The following CAPZB variants were observed in gnomAD, a reference collection of about 807,000 sequenced individuals.
CAPZB encodes capping actin protein of muscle Z-line subunit beta, also known as F-actin-capping protein subunit beta.
CAPZB carries 2 observed loss-of-function variants against 38.1 expected under a neutral mutation model. The ratio of observed to expected loss-of-function variants is 0.05; its 90% CI spans 0.02 to 0.17. CAPZB has a LOEUF of 0.17. Among genes scored for constraint, CAPZB ranks in the 10% least tolerant of loss-of-function variants. The pLI is 1.00. For missense variants in CAPZB, 161 were observed against 334.2 expected (o/e 0.48, Z 4.04); for synonymous variants, 107 against 127.4 (o/e 0.84, Z 1.08).
intron 1 of CAPZB, among the ~76,000 whole-genome samples, chr1:19,443,762 C>T (rs10799812): frequency 0.23 from 35,503 of 152,134 alleles, 4,499 homozygotes; most frequent in Non-Finnish European, 0.28. Context: ...GGCCGCCTGG[C>T]AGATGCTGTG....
At chr1:19,449,326 T>G (rs776957515) in intron 1 of CAPZB, 1 of 1,029,772 alleles carries the variant, frequency 9.7e-7, no homozygotes, top group South Asian at 3.9e-5. Context: ...CGGTCAGGCA[T>G]GGAGCTGAGG....
At chr1:19,345,826 G>A (rs547015681) in intron 6 of CAPZB, among the ~76,000 whole-genome samples, 1 of 152,392 alleles carries the variant, frequency 6.6e-6, no homozygotes, top group South Asian at 2.1e-4. Flanking sequence ...GGCAATGGCA[G>A]AGCCTGGGTC....
chr1:19,416,052 C>G (rs183312691), intron 2 of CAPZB, among the ~76,000 whole-genome samples: 1 of 152,190 alleles, frequency 6.6e-6, no homozygotes, highest in Admixed American at 6.5e-5. Flanking sequence ...TCCACACAGC[C>G]GGTGAAGGGA....
intron 2 of CAPZB, among the ~76,000 whole-genome samples, chr1:19,398,261 G>A (rs2094283281): frequency 1.4e-5 from 2 of 144,314 alleles, no homozygotes; most frequent in Non-Finnish European, 3.1e-5. Context: ...TGAGCCAGGC[G>A]AGGTGCTGAG....
chr1:19,386,544 G>C (rs906505708), intron 2 of CAPZB, among the ~76,000 whole-genome samples: 2 of 152,200 alleles, frequency 1.3e-5, no homozygotes, highest in African/African-American at 4.8e-5. Flanking sequence ...CTTCCCAGTG[G>C]AAAAATTCCA....
Position 19,418,989 on chromosome 1 carries a change from C to T in CAPZB, c.93+672G>A, listed in dbSNP as rs554634673. ...TCACTGCCAAGTGATCAGGGTGATT[C>T]GGCTGGCCTCTTAGGACCTGATTTT... is the stretch of plus-strand genomic sequence containing the variant. On this transcript the variant is annotated intron_variant, in intron 2 of 8. Transcript: ENST00000264202. Among the ~76,000 whole-genome samples the T allele has an allele frequency of 1.7e-4, 26 of 152,330 alleles. No homozygotes were observed. The South Asian group carries it at 4.8e-3, about 28-fold the overall frequency.
intron 1 of CAPZB, among the ~76,000 whole-genome samples, chr1:19,460,282 TTTG>T (rs1212566096): frequency 6.6e-6 from 1 of 152,216 alleles, no homozygotes; most frequent in African/African-American, 2.4e-5. Context: ...TTTTTGTTTG[TTTG>T]TTTTTTTATG....
intron 6 of CAPZB, 138 bp from the exon 7 acceptor site, chr1:19,345,390 T>A: frequency 1.4e-6 from 1 of 698,688 alleles, no homozygotes; most frequent in Non-Finnish European, 2.5e-6. Flanking sequence ...ACAAGGCCAG[T>A]TTTGCAGCCT....
At chr1:19,424,820 T>C (rs1305570117) in intron 1 of CAPZB, 1 of 152,324 alleles carries the variant, frequency 6.6e-6, no homozygotes, top group African/African-American at 2.4e-5. Flanking sequence ...AACAAGACCA[T>C]CATCCTGGAT....
At chr1:19,363,428 CTCT>C (rs1315226056) in intron 4 of CAPZB, among the ~76,000 whole-genome samples, 3 of 152,046 alleles carry the variant, frequency 2.0e-5, no homozygotes, top group Admixed American at 6.6e-5. Flanking sequence ...GTCAGTAATT[CTCT>C]TCTTCTCAGA....
intron 1 of CAPZB, among the ~76,000 whole-genome samples, chr1:19,449,630 A>T (rs1442600478): frequency 6.6e-6 from 1 of 151,970 alleles, no homozygotes; most frequent in Non-Finnish European, 1.5e-5. Flanking sequence ...TCTACTAAAA[A>T]CACAAAAATT....
chr1:19,361,875 A>G (rs2094054696), intron 4 of CAPZB, among the ~76,000 whole-genome samples: 1 of 152,206 alleles, frequency 6.6e-6, no homozygotes, highest in Non-Finnish European at 1.5e-5. Flanking sequence ...TAGTATTAAT[A>G]TTGTTTAAAT....
intron 1 of CAPZB, chr1:19,484,517 C>G: frequency 2.2e-6 from 3 of 1,347,764 alleles, no homozygotes; most frequent in Non-Finnish European, 2.9e-6. Context: ...CTGGGCACAC[C>G]GATGCCCGCC....
chr1:19,373,030 C>T (rs2094127076), intron 4 of CAPZB, among the ~76,000 whole-genome samples: 1 of 152,166 alleles, frequency 6.6e-6, no homozygotes, highest in African/African-American at 2.4e-5. Context: ...CTCTTTTCAT[C>T]TAAAAACAAG....
chr1:19,434,135 T>C (rs887510356), intron 1 of CAPZB, among the ~76,000 whole-genome samples: 4 of 152,150 alleles, frequency 2.6e-5, no homozygotes, highest in African/African-American at 7.2e-5. Context: ...AAACATGACA[T>C]CCTTTGGGCT....
At chr1:19,472,604 G>A (rs1368386379) in intron 1 of CAPZB, among the ~76,000 whole-genome samples, 1 of 151,996 alleles carries the variant, frequency 6.6e-6, no homozygotes, top group Non-Finnish European at 1.5e-5. Context: ...AGTACCCAAG[G>A]ACTCAAAGGT....
intron 4 of CAPZB, among the ~76,000 whole-genome samples, chr1:19,367,178 G>C (rs1470008223): frequency 1.3e-5 from 2 of 152,192 alleles, no homozygotes; most frequent in Non-Finnish European, 2.9e-5. Context: ...GCACACGAGG[G>C]GCTGGAGAGT....
At chr1:19,363,128 C>A (rs542776092) in intron 4 of CAPZB, among the ~76,000 whole-genome samples, 67 of 152,136 alleles carry the variant, frequency 4.4e-4, no homozygotes, top group African/African-American at 1.5e-3. Flanking sequence ...GATGCCCAGG[C>A]TGGAGTGTGG....
chr1:19,450,920 C>T (rs2100695493), intron 1 of CAPZB, among the ~76,000 whole-genome samples: 1 of 152,316 alleles, frequency 6.6e-6, no homozygotes, highest in East Asian at 1.9e-4. Flanking sequence ...CAATGTTTGT[C>T]TTTGGAATAA....
Sources: allele counts gnomAD v4.1 joint callset (sites outside exome capture counted in the v4.1 genomes callset), GRCh38; gene constraint gnomAD v4.1.1; transcripts MANE v1.5; gene names NCBI Gene and HGNC (gene_info 2026-07-23, HGNC 2026-07-21).